Variants in NRG3 observed in about 807,000 individuals in gnomAD.
NRG3 encodes neuregulin 3.
A neutral mutation model predicts 66.9 loss-of-function variants in NRG3; 31 were observed. The ratio of observed to expected loss-of-function variants is 0.46; its 90% CI spans 0.35 to 0.63. NRG3 has a LOEUF of 0.63. NRG3 is among the 20% of genes least tolerant of loss of function. The probability of loss-of-function intolerance (pLI) is 0.00; values close to 1 mark genes in which losing one functional copy is unlikely to be tolerated. For missense variants in NRG3, 910 were observed against 878.9 expected, an observed-to-expected ratio of 1.04 and a Z score of -0.45; for synonymous variants, 393 against 359.4, an observed-to-expected ratio of 1.09 and a Z score of -1.06.
At chr10:82,223,717 T>C (rs1435494167) in intron 1 of NRG3, among the ~76,000 whole-genome samples, 1 of 148,978 alleles carries the variant, frequency 6.7e-6, no homozygotes, top group East Asian at 2.0e-4. Context: ...GATGCCCCAC[T>C]AACATATACA....
chr10:82,831,109 G>A (rs771511673), intron 3 of NRG3, among the ~76,000 whole-genome samples: 5 of 152,076 alleles, frequency 3.3e-5, no homozygotes, highest in Non-Finnish European at 7.4e-5. Flanking sequence ...GGTTGCTAAC[G>A]TTGCTCTAAG....
chr10:82,619,722 T>G (rs2048912814), intron 2 of NRG3, among the ~76,000 whole-genome samples: 1 of 152,142 alleles, frequency 6.6e-6, no homozygotes, highest in African/African-American at 2.4e-5. Context: ...AGCCCTAATC[T>G]AATATGACTG....
intron 1 of NRG3, among the ~76,000 whole-genome samples, chr10:82,012,347 T>A (rs1241953295): frequency 1.3e-5 from 2 of 151,704 alleles, no homozygotes. Context: ...TCCCAGCCCA[T>A]GAAACCATTT....
At chr10:82,563,371 A>G (rs981038875) in intron 2 of NRG3, among the ~76,000 whole-genome samples, 1 of 152,146 alleles carries the variant, frequency 6.6e-6, no homozygotes, top group Non-Finnish European at 1.5e-5. Context: ...ATGTATCCTC[A>G]TAATTAATTA....
intron 4 of NRG3, among the ~76,000 whole-genome samples, chr10:82,909,862 A>G (rs865831375): frequency 2.6e-5 from 4 of 152,338 alleles, no homozygotes; most frequent in South Asian, 2.1e-4. Context: ...ACAGCAGTGT[A>G]AGTGTGAACC....
intron 4 of NRG3, among the ~76,000 whole-genome samples, chr10:82,884,857 A>G (rs1027364353): frequency 3.9e-5 from 6 of 152,224 alleles, no homozygotes; most frequent in Non-Finnish European, 7.3e-5. Context: ...AAAAGATGGT[A>G]ATGTGTATAT....
At chr10:82,904,101 C>A (rs1844492178) in intron 4 of NRG3, among the ~76,000 whole-genome samples, 1 of 152,132 alleles carries the variant, frequency 6.6e-6, no homozygotes, top group African/African-American at 2.4e-5. Flanking sequence ...TGGTACAAGA[C>A]AAGCTTGTCC....
At chr10:82,157,396 C>T (rs950622608) in intron 1 of NRG3, among the ~76,000 whole-genome samples, 3 of 151,678 alleles carry the variant, frequency 2.0e-5, no homozygotes, top group Non-Finnish European at 4.4e-5. Flanking sequence ...CCAAAGGAAT[C>T]GGTTGCTGTC....
chr10:82,408,380 A>G (rs1381911541), intron 2 of NRG3, among the ~76,000 whole-genome samples: 2 of 152,042 alleles, frequency 1.3e-5, no homozygotes, highest in Non-Finnish European at 2.9e-5. Flanking sequence ...CTGATGTATC[A>G]TCAAGGAGTT....
intron 1 of NRG3, among the ~76,000 whole-genome samples, chr10:82,001,887 C>T (rs935480792): frequency 6.6e-6 from 1 of 152,156 alleles, no homozygotes; most frequent in African/African-American, 2.4e-5. Context: ...AAGTTTCCTC[C>T]TCTGGTTTTA....
At chr10:82,042,521 G>A (rs538657860) in intron 1 of NRG3, among the ~76,000 whole-genome samples, 19 of 151,950 alleles carry the variant, frequency 1.3e-4, no homozygotes, top group East Asian at 1.9e-4. Flanking sequence ...TGGTGCTACT[G>A]TATTTTTCCC....
At chr10:82,226,779 CAGTT>C (rs1378208888) in intron 1 of NRG3, among the ~76,000 whole-genome samples, 1 of 152,144 alleles carries the variant, frequency 6.6e-6, no homozygotes, top group Admixed American at 6.6e-5. Flanking sequence ...CAAAGTCTCA[CAGTT>C]AGTTGTCCAG....
rs535845174 is a variant in NRG3, at chr10:82,783,366, G to A, written c.1027+44716G>A. 3.5e-3 allele frequency among the ~76,000 whole-genome samples: 528 copies of A among 151,268 alleles called. 1 individual carries two copies. The highest frequency in any genetic ancestry group is 0.012 in the African/African-American group (504 of 41,110). ...TGGAAGTTCTGGCCAGGGCAATTAG[G>A]CAGGAGAAGGAAATAAAGGGTATTC... On this transcript the variant is annotated intron_variant, in intron 3 of 8. Transcript: ENST00000372141.
chr10:82,395,665 CATCATCCATCCATTCATCA>C (rs2086668128), intron 2 of NRG3, among the ~76,000 whole-genome samples: 1 of 151,954 alleles, frequency 6.6e-6, no homozygotes, highest in Non-Finnish European at 1.5e-5. Context: ...TCCATCCATC[CATCATCCATCCATTCATCA>C]TCCATCCACT....
chr10:82,264,713 A>C (rs756262903), intron 1 of NRG3, among the ~76,000 whole-genome samples: 16 of 152,174 alleles, frequency 1.1e-4, no homozygotes, highest in Non-Finnish European at 2.1e-4. Flanking sequence ...AGAAATCAGA[A>C]AATGAGGACA....
intron 2 of NRG3, among the ~76,000 whole-genome samples, chr10:82,385,158 G>A (rs539450429): frequency 5.9e-5 from 9 of 152,068 alleles, no homozygotes; most frequent in African/African-American, 1.4e-4. Context: ...CATTTTAAAG[G>A]GGTTATTTTT....
intron 2 of NRG3, among the ~76,000 whole-genome samples, chr10:82,363,643 G>A (rs1481314875): frequency 6.6e-6 from 1 of 151,778 alleles, no homozygotes; most frequent in Non-Finnish European, 1.5e-5. Flanking sequence ...TTTTTTAGTA[G>A]AGACGGGGTT....
chr10:82,076,495 C>T (rs1033513749), intron 1 of NRG3, among the ~76,000 whole-genome samples: 16 of 152,082 alleles, frequency 1.1e-4, no homozygotes, highest in Admixed American at 7.2e-4. Context: ...TGCTTGTTTC[C>T]GTCAAATCTC....
At chr10:82,547,599 A>G (rs937568597) in intron 2 of NRG3, among the ~76,000 whole-genome samples, 18 of 150,932 alleles carry the variant, frequency 1.2e-4, no homozygotes, top group South Asian at 8.3e-4. Context: ...GTATATATGT[A>G]TGTATATATG....
Sources: allele counts gnomAD v4.1 joint callset (sites outside exome capture counted in the v4.1 genomes callset), GRCh38; gene constraint gnomAD v4.1.1; transcripts MANE v1.5; gene names NCBI Gene and HGNC (gene_info 2026-07-23, HGNC 2026-07-21).